RORB: variants seen among roughly 807,000 people sequenced by gnomAD.
RORB encodes nuclear receptor ROR-beta.
In RORB, 6 loss-of-function variants were observed where a neutral mutation model predicts 59.1. The ratio of observed to expected loss-of-function variants is 0.10; its 90% CI spans 0.06 to 0.20. The LOEUF is 0.20. Ranked by LOEUF, RORB falls within the 10% of genes least tolerant of loss-of-function variation. The pLI is 1.00. For synonymous variants in RORB, 215 were observed against 204.5 expected (o/e 1.05, Z -0.44); for missense variants, 320 against 560.5 (o/e 0.57, Z 4.33).
chr9:74,642,351 C>T, intron 3 of RORB, 63 bp from the exon 4 acceptor site: 3 of 1,506,942 alleles, frequency 2.0e-6, no homozygotes, highest in Non-Finnish European at 2.7e-6. Flanking sequence ...ACCCGTTGTA[C>T]CTGAGGTGGT....
rs1823178494 is a variant in RORB, at chr9:74,608,189, C to T, written c.8-22093C>T. Among the ~76,000 whole-genome samples the T allele has an allele frequency of 3.3e-5, 5 of 152,112 alleles. No homozygotes were observed. The South Asian group carries it at 1.0e-3, about 32-fold the overall frequency. ...ATTGTTACAGCCATTTTCTAACATC[C>T]AGATCTCTATTCTTAAATAGCTTCG... On this transcript the variant is annotated intron_variant, in intron 1 of 9. Coordinates refer to ENST00000376896, the MANE Select transcript of RORB (RefSeq NM_006914.4).
chr9:74,634,077 T>C (rs1047523622), intron 2 of RORB, among the ~76,000 whole-genome samples: 8 of 108,522 alleles, frequency 7.4e-5, no homozygotes, highest in Non-Finnish European at 1.3e-4. Flanking sequence ...CCTCAAAAAG[T>C]TAAAAAAAAA....
At chr9:74,558,192 C>T (rs1416537067) in intron 1 of RORB, among the ~76,000 whole-genome samples, 1 of 152,100 alleles carries the variant, frequency 6.6e-6, no homozygotes, top group Non-Finnish European at 1.5e-5. Context: ...TTTGAATTCT[C>T]ACAGCCCTCA....
intron 1 of RORB, among the ~76,000 whole-genome samples, chr9:74,568,494 G>C (rs1481403308): frequency 6.6e-6 from 1 of 151,944 alleles, no homozygotes; most frequent in African/African-American, 2.4e-5. Context: ...GAGGTCAGGA[G>C]TTCAAGACCA....
chr9:74,600,117 C>A (rs1180348521), intron 1 of RORB, among the ~76,000 whole-genome samples: 2 of 152,188 alleles, frequency 1.3e-5, no homozygotes, highest in Non-Finnish European at 2.9e-5. Flanking sequence ...TGTCCCTCTC[C>A]CCAGCTACAT....
At chr9:74,589,981 T>G (rs187110506) in intron 1 of RORB, among the ~76,000 whole-genome samples, 1 of 152,352 alleles carries the variant, frequency 6.6e-6, no homozygotes, top group East Asian at 1.9e-4. Flanking sequence ...CCTCCTCCAT[T>G]CACTACCTGT....
chr9:74,521,240 CA>C (rs1351343848), intron 1 of RORB, among the ~76,000 whole-genome samples: 5 of 151,828 alleles, frequency 3.3e-5, no homozygotes, highest in Admixed American at 1.3e-4. Context: ...GCTGTAACAA[CA>C]ACAGTATCAT....
intron 1 of RORB, among the ~76,000 whole-genome samples, chr9:74,559,212 C>T (rs1221712286): frequency 6.6e-6 from 1 of 152,112 alleles, no homozygotes; most frequent in East Asian, 1.9e-4. Flanking sequence ...CAATATTTCC[C>T]AATATTTCCT....
chr9:74,619,206 A>G (rs905278243), intron 1 of RORB, among the ~76,000 whole-genome samples: 1 of 152,072 alleles, frequency 6.6e-6, no homozygotes, highest in African/African-American at 2.4e-5. Flanking sequence ...TCCCATTGCT[A>G]TTTACTACTT....
At chr9:74,575,718 A>G (rs904899207) in intron 1 of RORB, among the ~76,000 whole-genome samples, 4 of 152,108 alleles carry the variant, frequency 2.6e-5, no homozygotes, top group African/African-American at 9.7e-5. Context: ...TGTATAAGTT[A>G]GAGATCTGCC....
At chr9:74,540,537 T>G (rs1241699605) in intron 1 of RORB, among the ~76,000 whole-genome samples, 2 of 152,202 alleles carry the variant, frequency 1.3e-5, no homozygotes, top group Non-Finnish European at 2.9e-5. Flanking sequence ...GAAAATATAT[T>G]CGTAACTTCC....
At chr9:74,677,393 A>C (rs1824461177) in intron 9 of RORB, among the ~76,000 whole-genome samples, 1 of 152,224 alleles carries the variant, frequency 6.6e-6, no homozygotes, top group Non-Finnish European at 1.5e-5. Flanking sequence ...TTACAACAGA[A>C]TGGGAAATAT....
chr9:74,568,699 CAAAAA>C (rs34771605), intron 1 of RORB, among the ~76,000 whole-genome samples: 9 of 107,368 alleles, frequency 8.4e-5, no homozygotes, highest in Non-Finnish European at 1.5e-4. Flanking sequence ...GACTCCATCT[CAAAAA>C]AAAAAAAAAA....
intron 9 of RORB, among the ~76,000 whole-genome samples, chr9:74,678,098 T>C (rs1194907148): frequency 2.6e-5 from 4 of 152,216 alleles, no homozygotes; most frequent in Non-Finnish European, 5.9e-5. Flanking sequence ...ACTGTGCTGA[T>C]AGATTCTAAA....
intron 9 of RORB, among the ~76,000 whole-genome samples, 159 bp from the exon 10 acceptor site, chr9:74,685,304 T>C (rs1824622310): frequency 6.6e-6 from 1 of 152,120 alleles, no homozygotes; most frequent in Non-Finnish European, 1.5e-5. Context: ...TATTTTGTTT[T>C]GTTGTAAGAG....
intron 1 of RORB, among the ~76,000 whole-genome samples, chr9:74,589,009 A>G (rs909997516): frequency 6.6e-6 from 1 of 152,188 alleles, no homozygotes; most frequent in Non-Finnish European, 1.5e-5. Context: ...TAATTATTGT[A>G]ACCATAATTT....
At chr9:74,616,998 A>AT (rs1354768115) in intron 1 of RORB, among the ~76,000 whole-genome samples, 1 of 151,948 alleles carries the variant, frequency 6.6e-6, no homozygotes, top group Non-Finnish European at 1.5e-5. Context: ...TTTAAAAAAA[A>AT]AAAAGTTCCT....
rs150584759 is a variant in RORB at position 74,573,247 on chromosome 9, T to A, written c.8-57035T>A. ...CATCTTGTAAAGAATTCACACATGA[T>A]CTGTAGCTGTTTTGAGGGGGTTGCA... On this transcript the variant is annotated intron_variant, in intron 1 of 9. Coordinates refer to ENST00000376896, the MANE Select transcript of RORB (RefSeq NM_006914.4). Among the ~76,000 whole-genome samples, 458 of 152,172 alleles carry A rather than the reference T, an allele frequency of 3.0e-3. 1 individual carries two copies. The highest frequency in any genetic ancestry group is 0.013 in the South Asian group (63 of 4,820).
intron 9 of RORB, among the ~76,000 whole-genome samples, chr9:74,674,477 T>C (rs891866167): frequency 6.6e-6 from 1 of 152,216 alleles, no homozygotes; most frequent in Non-Finnish European, 1.5e-5. Context: ...ACCGCTGACC[T>C]GTTCAACTCT....
Sources: allele counts gnomAD v4.1 joint callset (sites outside exome capture counted in the v4.1 genomes callset), GRCh38; gene constraint gnomAD v4.1.1; transcripts MANE v1.5; gene names NCBI Gene and HGNC (gene_info 2026-07-23, HGNC 2026-07-21).